The following EEFSEC variants were observed in gnomAD, a reference collection of about 807,000 sequenced individuals.
The protein encoded by EEFSEC is eukaryotic elongation factor, selenocysteine-tRNA specific, also known as selenocysteine-specific elongation factor.
Under a neutral mutation model 42.1 loss-of-function variants are expected in EEFSEC, and 43 were observed. The ratio of observed to expected loss-of-function variants is 1.02; its 90% CI spans 0.80 to 1.32. The LOEUF (loss-of-function observed/expected upper bound fraction) is 1.32, where lower values mean the gene tolerates loss of function less well. Among genes scored for constraint, EEFSEC ranks in the 40% most tolerant of loss-of-function variants. The pLI is 0.00. For missense variants in EEFSEC, 745 were observed against 803.6 expected, an observed-to-expected ratio of 0.93 and a Z score of 0.88; for synonymous variants, 354 against 339.1, an observed-to-expected ratio of 1.04 and a Z score of -0.48.
intron 1 of EEFSEC, among the ~76,000 whole-genome samples, chr3:128,245,649 A>T (rs1425819502): frequency 1.3e-5 from 2 of 152,178 alleles, no homozygotes; most frequent in African/African-American, 4.8e-5. Context: ...AGTGGGAAGA[A>T]TTCTTCAGCA....
chr3:128,322,938 G>A (rs2067023927), intron 4 of EEFSEC, among the ~76,000 whole-genome samples: 1 of 152,192 alleles, frequency 6.6e-6, no homozygotes, highest in Non-Finnish European at 1.5e-5. Context: ...ATTGGTGGGG[G>A]CTGCTTTTCT....
At chr3:128,405,773 C>T (rs1452839572) in intron 6 of EEFSEC, among the ~76,000 whole-genome samples, 7 of 152,380 alleles carry the variant, frequency 4.6e-5, no homozygotes, top group South Asian at 2.1e-4. Flanking sequence ...CAGGTGCCAA[C>T]GGCACATAGG....
intron 1 of EEFSEC, among the ~76,000 whole-genome samples, chr3:128,174,392 T>C (rs1024223027): frequency 6.6e-6 from 1 of 152,268 alleles, no homozygotes; most frequent in East Asian, 1.9e-4. Flanking sequence ...TGCAGTTTTC[T>C]TTTTGTATTT....
chr3:128,364,322 G>A (rs1373105728), intron 6 of EEFSEC, among the ~76,000 whole-genome samples: 1 of 152,172 alleles, frequency 6.6e-6, no homozygotes, highest in Non-Finnish European at 1.5e-5. Context: ...GTGGCCACTG[G>A]GACGTGTGGC....
At chr3:128,175,821 T>G (rs1171927904) in intron 1 of EEFSEC, among the ~76,000 whole-genome samples, 1 of 152,164 alleles carries the variant, frequency 6.6e-6, no homozygotes, top group African/African-American at 2.4e-5. Context: ...GGGCCTGGAT[T>G]TGCACCCTGT....
At chr3:128,398,299 G>A (rs778456506) in intron 6 of EEFSEC, among the ~76,000 whole-genome samples, 3 of 152,108 alleles carry the variant, frequency 2.0e-5, no homozygotes, top group South Asian at 2.1e-4. Context: ...AGACAGAAGC[G>A]GGCAAGATAG....
chr3:128,356,669 G>A (rs1436950165), intron 5 of EEFSEC, among the ~76,000 whole-genome samples: 1 of 152,182 alleles, frequency 6.6e-6, no homozygotes, highest in Non-Finnish European at 1.5e-5. Flanking sequence ...AAGGTGTATG[G>A]TGAAAAGTCC....
chr3:128,254,979 G>A (rs1488053806), intron 2 of EEFSEC, among the ~76,000 whole-genome samples: 1 of 152,204 alleles, frequency 6.6e-6, no homozygotes, highest in African/African-American at 2.4e-5. Flanking sequence ...AGTGACTGAT[G>A]AGAGACATCA....
At chr3:128,176,365 T>C (rs771915755) in intron 1 of EEFSEC, among the ~76,000 whole-genome samples, 4 of 151,738 alleles carry the variant, frequency 2.6e-5, no homozygotes, top group Non-Finnish European at 5.9e-5. Context: ...AAATTGTGAG[T>C]GCAGTTAGAG....
the EEFSEC span, among the ~76,000 whole-genome samples, chr3:128,419,336 A>T: frequency 6.6e-6 from 1 of 152,232 alleles, no homozygotes. Flanking sequence ...AATACTCAAC[A>T]ATAGGTAAAG....
At chr3:128,275,700 C>T (rs574187308) in intron 4 of EEFSEC, among the ~76,000 whole-genome samples, 55 of 152,358 alleles carry the variant, frequency 3.6e-4, no homozygotes, top group South Asian at 2.1e-3. Flanking sequence ...GGGCTTTGCC[C>T]AGGCATTCTG....
chr3:128,268,123 G>A (rs894501349), intron 4 of EEFSEC, among the ~76,000 whole-genome samples: 16 of 152,244 alleles, frequency 1.1e-4, no homozygotes, highest in Non-Finnish European at 2.4e-4. Flanking sequence ...CTCAGGTATT[G>A]AAACCTCATG....
At chr3:128,347,601 AAAT>A (rs898396419) in intron 5 of EEFSEC, among the ~76,000 whole-genome samples, 1 of 152,186 alleles carries the variant, frequency 6.6e-6, no homozygotes, top group Non-Finnish European at 1.5e-5. Flanking sequence ...CAATGTTAAT[AAAT>A]AATAATAATA....
chr3:128,284,647 T>C lies in EEFSEC; in HGVS notation c.786+19866T>C, dbSNP rs568376011. Among the ~76,000 whole-genome samples the C allele has an allele frequency of 7.9e-5, 12 of 152,340 alleles. No individual in the cohort carries two copies. The South Asian group carries it at 2.3e-3, about 29-fold the overall frequency. Reference sequence around the variant, plus strand: ...AGACACTAAACAAATGACCAGGGTATGTGCAAAAGCCACAAAGGGAAGGGT... The same window carrying C: ...AGACACTAAACAAATGACCAGGGTACGTGCAAAAGCCACAAAGGGAAGGGT... On this transcript the variant is annotated intron_variant, in intron 4 of 6. Transcript: ENST00000254730.
chr3:128,213,538 T>C (rs566912813), intron 1 of EEFSEC, among the ~76,000 whole-genome samples: 1 of 152,182 alleles, frequency 6.6e-6, no homozygotes, highest in East Asian at 1.9e-4. Flanking sequence ...AGGGGCTCTG[T>C]AGCCCAGGAA....
In EEFSEC at chr3:128,197,321, A is replaced by T. The variant is rs1403423320; in HGVS notation, c.316+43498A>T. Among the ~76,000 whole-genome samples the T allele has an allele frequency of 2.0e-5, 3 of 152,154 alleles. No individual in the cohort carries two copies. The East Asian group carries it at 5.8e-4, about 29-fold the overall frequency. ...GAGTCTCGCTCTGTTGCCACGCTGT[A>T]GTGCAGTGGTGCGATCTCGGCTCAC... is the stretch of plus-strand genomic sequence containing the variant. On this transcript the variant is annotated intron_variant, in intron 1 of 6. Transcript: ENST00000254730.
At chr3:128,184,325 A>G (rs1157242090) in intron 1 of EEFSEC, among the ~76,000 whole-genome samples, 1 of 152,156 alleles carries the variant, frequency 6.6e-6, no homozygotes, top group Non-Finnish European at 1.5e-5. Context: ...CTCTGTATCC[A>G]TTACACACTT....
At chr3:128,372,232 A>G (rs1034194150) in intron 6 of EEFSEC, among the ~76,000 whole-genome samples, 10 of 152,202 alleles carry the variant, frequency 6.6e-5, no homozygotes, top group East Asian at 3.8e-4. Context: ...GTCTTGATTT[A>G]GCAAACCACC....
At chr3:128,310,396 C>T (rs533732084) in intron 4 of EEFSEC, among the ~76,000 whole-genome samples, 21 of 152,346 alleles carry the variant, frequency 1.4e-4, no homozygotes, top group Middle Eastern at 6.8e-3. Context: ...GGCTTTTACT[C>T]ACTCTCTTAG....
Sources: gnomAD v4.1 joint callset for allele counts (sites outside exome capture counted in the v4.1 genomes callset) on GRCh38, gnomAD v4.1.1 for gene constraint, MANE v1.5 for transcripts, NCBI Gene and HGNC (gene_info 2026-07-23, HGNC 2026-07-21) for gene names.